The following COG3 variants were observed in gnomAD, a reference collection of about 807,000 sequenced individuals.
The protein encoded by COG3 is conserved oligomeric Golgi complex subunit 3.
COG3 carries 32 observed loss-of-function variants against 114.1 expected under a neutral mutation model. That is an observed-to-expected ratio of 0.28 (90% CI 0.21 to 0.38). COG3 has a LOEUF of 0.38. Ranked by LOEUF, COG3 falls within the 10% of genes least tolerant of loss-of-function variation. The probability of loss-of-function intolerance (pLI) is 1.00; values close to 1 mark genes in which losing one functional copy is unlikely to be tolerated. For missense variants in COG3, 813 were observed against 973.2 expected, an observed-to-expected ratio of 0.84 and a Z score of 2.19; for synonymous variants, 352 against 365.7, an observed-to-expected ratio of 0.96 and a Z score of 0.43.
chr13:45,474,061 G>A (rs1276289684), intron 1 of COG3, among the ~76,000 whole-genome samples: 1 of 152,016 alleles, frequency 6.6e-6, no homozygotes, highest in African/African-American at 2.4e-5. Context: ...TGGGGAGAAG[G>A]CAGATCAAGG....
Position 45,487,679 on chromosome 13 carries a change from C to T in COG3, c.924+1104C>T, listed in dbSNP as rs566067483. 2.6e-5 allele frequency among the ~76,000 whole-genome samples: 4 copies of T among 152,278 alleles called. No homozygotes were observed. The East Asian group carries it at 7.7e-4, about 29-fold the overall frequency. On this transcript the variant is annotated intron_variant, in intron 8 of 22. Transcript: ENST00000349995. ...AGCAGGGAAATGTAAATCAAAACCA[C>T]AGTGAGATGTCATCTCACCCCAGTT... is the stretch of plus-strand genomic sequence containing the variant.
chr13:45,492,845 TAA>T (rs1333574507), intron 11 of COG3, among the ~76,000 whole-genome samples: 1 of 152,176 alleles, frequency 6.6e-6, no homozygotes, highest in African/African-American at 2.4e-5. Context: ...ATAGACAACT[TAA>T]GTTTTTCTTT....
Position 45,496,376 on chromosome 13 carries a change from T to C in COG3, c.1488+64T>C, listed in dbSNP as rs915283339. ...CAGCTTTTAGATGTTTTATTTATTA[T>C]TTTTTTAAAAATTTATATATTAAAA... is the stretch of plus-strand genomic sequence containing the variant. On this transcript the variant is annotated intron_variant, in intron 13 of 22. Coordinates refer to ENST00000349995, the MANE Select transcript of COG3 (RefSeq NM_031431.4). The C allele has an allele frequency of 2.9e-5, 35 of 1,216,730 alleles. 1 individual carries two copies. In the African/African-American group the frequency reaches 2.9e-4, roughly 10 times the overall value. The allele number at this position is 1,216,730 out of a possible 1,614,324, so 75.4% of individuals were successfully genotyped here.
intron 8 of COG3, among the ~76,000 whole-genome samples, chr13:45,490,696 T>G (rs550885806): frequency 3.9e-4 from 59 of 152,166 alleles, no homozygotes; most frequent in African/African-American, 1.4e-3. Flanking sequence ...ATTACAGTTT[T>G]ACTTAAAAAG....
chr13:45,509,113 C>G (rs913012016), intron 14 of COG3, among the ~76,000 whole-genome samples: 30 of 151,392 alleles, frequency 2.0e-4, no homozygotes, highest in African/African-American at 7.1e-4. Context: ...GATCTTGGCT[C>G]ACTGTAACCT....
intron 19 of COG3, among the ~76,000 whole-genome samples, chr13:45,522,899 A>C (rs943494308): frequency 6.6e-6 from 1 of 152,222 alleles, no homozygotes; most frequent in African/African-American, 2.4e-5. Context: ...TTATAGTAGA[A>C]AGCAAGAACT....
In COG3 at chr13:45,496,866, G is replaced by C. The variant is rs193133004; in HGVS notation, c.1488+554G>C. Among the ~76,000 whole-genome samples, 214 of 151,762 alleles carry C rather than the reference G, an allele frequency of 1.4e-3. 1 individual carries two copies. The highest frequency in any genetic ancestry group is 4.8e-3 in the African/African-American group (200 of 41,380). ...TTTTTTATATTTTTAGTAGAGATGG[G>C]GTTTCACCGTGTTAGCCAGGATGGT... On this transcript the variant is annotated intron_variant, in intron 13 of 22. Transcript: ENST00000349995.
intron 16 of COG3, among the ~76,000 whole-genome samples, chr13:45,513,823 T>TTAC (rs1353099064): frequency 1.3e-5 from 2 of 151,862 alleles, no homozygotes; most frequent in Admixed American, 1.3e-4. Context: ...AAGGAAATGG[T>TTAC]TACATAAATT....
rs1253126796 is a variant in COG3, at chr13:45,486,345, A to AC, written c.844-150_844-149insC. On this transcript the variant is annotated intron_variant, in intron 7 of 22. Coordinates refer to ENST00000349995, the MANE Select transcript of COG3 (RefSeq NM_031431.4). ...GGAGACGGGAGACGGGAGACGGGAGAGGGAGAGGGAGAGGGAGAGGGAGAC... is the reference window on the plus strand; with the variant it reads ...GGAGACGGGAGACGGGAGACGGGAGACGGGAGAGGGAGAGGGAGAGGGAGAC... 3.1e-4 allele frequency: 168 copies of AC among 539,708 alleles called. 1 individual carries two copies. The highest frequency in any genetic ancestry group is 1.9e-3 in the Middle Eastern group (6 of 3,238). 33.4% of individuals were successfully genotyped at this position (539,708 alleles called of 1,614,324 possible).
At chr13:45,529,706 T>C in intron 20 of COG3, 85 bp from the exon 21 acceptor site, 2 of 963,590 alleles carry the variant, frequency 2.1e-6, no homozygotes, top group African/African-American at 1.7e-5. Flanking sequence ...TGCTATTTTT[T>C]TCTCCCTTTA....
chr13:45,512,507 A>AT (rs1291373823), intron 16 of COG3, among the ~76,000 whole-genome samples: 1 of 151,878 alleles, frequency 6.6e-6, no homozygotes, highest in African/African-American at 2.4e-5. Flanking sequence ...CAAGTTTTGT[A>AT]TTTTTTGTGG....
intron 8 of COG3, among the ~76,000 whole-genome samples, chr13:45,487,496 A>C (rs1406522885): frequency 6.6e-6 from 1 of 152,248 alleles, no homozygotes; most frequent in African/African-American, 2.4e-5. Flanking sequence ...TATTCATCTG[A>C]CAAGGGACTA....
At chr13:45,470,013 A>G (rs1165257247) in intron 1 of COG3, among the ~76,000 whole-genome samples, 2 of 152,202 alleles carry the variant, frequency 1.3e-5, no homozygotes, top group East Asian at 3.8e-4. Flanking sequence ...AAGAAGGGAG[A>G]CTTGCTTTTC....
chr13:45,470,368 T>C (rs1387021760), intron 1 of COG3, among the ~76,000 whole-genome samples: 1 of 152,220 alleles, frequency 6.6e-6, no homozygotes, highest in Non-Finnish European at 1.5e-5. Context: ...ATTTATTACC[T>C]ATTCAAATAA....
chr13:45,480,169 C>T lies in COG3; in HGVS notation c.428C>T (p.Ala143Val). 1 of 1,613,410 alleles carries T rather than the reference C, an allele frequency of 6.2e-7. No individual in the cohort carries two copies. Among genetic ancestry groups the T allele is most frequent in the South Asian group, 1.1e-5 (1 of 91,002 alleles). The change falls in exon 4 of 23, where the codon GCT becomes GTT. Residue 143 changes from alanine (A) to valine (V), a missense_variant. By Grantham distance (64) the Ala-to-Val change is moderately conservative. Coordinates refer to ENST00000349995, the MANE Select transcript of COG3 (RefSeq NM_031431.4). ...TCTGGGTTTCAGGAGCAGTGTGATGCTATATTGAATGATGTAAACAGTGCT... is the reference window on the plus strand; with the variant it reads ...TCTGGGTTTCAGGAGCAGTGTGATGTTATATTGAATGATGTAAACAGTGCT... Reference protein sequence around the residue: ...YLSGFQEQCDAILNDVNSALQ... With the variant: ...YLSGFQEQCDVILNDVNSALQ...
intron 17 of COG3, among the ~76,000 whole-genome samples, chr13:45,518,169 A>T (rs975452144): frequency 6.6e-6 from 1 of 152,174 alleles, no homozygotes; most frequent in Admixed American, 6.5e-5. Context: ...AAGCAAAGAG[A>T]TGTTTTTTTC....
At chr13:45,534,252 G>A (rs999328131) in intron 22 of COG3, among the ~76,000 whole-genome samples, 13 of 152,234 alleles carry the variant, frequency 8.5e-5, no homozygotes, top group Non-Finnish European at 1.9e-4. Context: ...ATGGAGGTAT[G>A]TTTCTGTCCT....
chr13:45,519,245 T>C, intron 19 of COG3, 151 bp downstream of exon 19: 1 of 909,002 alleles, frequency 1.1e-6, no homozygotes, highest in Non-Finnish European at 1.6e-6. Flanking sequence ...TTTCCTATTA[T>C]GGAAGCTTTC....
intron 8 of COG3, among the ~76,000 whole-genome samples, chr13:45,489,188 A>C (rs1302596339): frequency 3.6e-5 from 1 of 27,448 alleles, no homozygotes; most frequent in Non-Finnish European, 6.7e-5. Context: ...CTCTGTTTCA[A>C]AAAAAAAAAA....
Sources: allele counts gnomAD v4.1 joint callset (sites outside exome capture counted in the v4.1 genomes callset), GRCh38; gene constraint gnomAD v4.1.1; transcripts MANE v1.5; gene names NCBI Gene and HGNC (gene_info 2026-07-23, HGNC 2026-07-21).